The following PKP4 variants were observed in gnomAD, a reference collection of about 807,000 sequenced individuals.
The protein encoded by PKP4 is plakophilin-4.
In PKP4, 90 loss-of-function variants were observed where a neutral mutation model predicts 145.1. The observed-to-expected ratio is 0.62, with a 90% CI of 0.52 to 0.74. The LOEUF (loss-of-function observed/expected upper bound fraction) is 0.74. Ranked by LOEUF, PKP4 falls within the 30% of genes least tolerant of loss-of-function variation. PKP4 has a pLI of 0.00. For missense variants in PKP4, 1,340 were observed against 1,482.7 expected, an observed-to-expected ratio of 0.90 and a Z score of 1.58; for synonymous variants, 563 against 577.2, an observed-to-expected ratio of 0.98 and a Z score of 0.35.
rs758514696 is a variant in PKP4 at position 158,680,724 on chromosome 2, G to T, written c.*47G>T. The T allele has an allele frequency of 1.4e-5, 21 of 1,499,482 alleles. No homozygotes were observed. The highest frequency in any genetic ancestry group is 1.7e-5 in the Non-Finnish European group (19 of 1,116,764). 92.9% of individuals were successfully genotyped at this position (1,499,482 alleles called of 1,614,324 possible). A position where few individuals can be genotyped will look rare whatever the true frequency, so the allele number is the denominator to read the frequency against. On this transcript the variant is annotated 3_prime_UTR_variant, in exon 22 of 22. Transcript: ENST00000389759. ...AACTCTTTCTTTCTAACCTTGTTCA[G>T]ATTGAGGTGAAAAGTCCATCTTGCT...
intron 1 of PKP4, among the ~76,000 whole-genome samples, chr2:158,490,727 G>A (rs1694820407): frequency 1.3e-5 from 2 of 151,696 alleles, no homozygotes; most frequent in African/African-American, 4.9e-5. Context: ...CAAATCCCCT[G>A]GAAGACTGAT....
chr2:158,593,756 C>T (rs1670386598), intron 3 of PKP4, among the ~76,000 whole-genome samples: 1 of 152,084 alleles, frequency 6.6e-6, no homozygotes, highest in Non-Finnish European at 1.5e-5. Flanking sequence ...TTTTAGACAG[C>T]TGTTATAGGG....
intron 3 of PKP4, chr2:158,578,209 T>C (rs1289429030): frequency 8.0e-6 from 2 of 249,884 alleles, no homozygotes; most frequent in East Asian, 1.5e-4. Flanking sequence ...TCTTAGTGAA[T>C]AGAATTCTGT....
At chr2:158,478,410 C>T (rs1292716136) in intron 1 of PKP4, among the ~76,000 whole-genome samples, 1 of 151,932 alleles carries the variant, frequency 6.6e-6, no homozygotes, top group Non-Finnish European at 1.5e-5. Context: ...GTGTTTTTTA[C>T]ATTCTTGTGT....
intron 2 of PKP4, chr2:158,549,033 C>A: frequency 5.8e-6 from 1 of 171,552 alleles, no homozygotes; most frequent in South Asian, 1.4e-4. Context: ...CCACTGTTGC[C>A]TTCACACAGG....
chr2:158,638,196 T>C (rs2053974963), intron 9 of PKP4, among the ~76,000 whole-genome samples: 1 of 152,232 alleles, frequency 6.6e-6, no homozygotes, highest in South Asian at 2.1e-4. Flanking sequence ...AAAGGAAAAC[T>C]ATTTGTTACC....
intron 9 of PKP4, among the ~76,000 whole-genome samples, chr2:158,638,895 G>T (rs1232061982): frequency 1.3e-5 from 2 of 152,224 alleles, no homozygotes; most frequent in South Asian, 2.1e-4. Context: ...CCATCTTTTT[G>T]TATTCTAGGG....
chr2:158,531,914 C>T (rs2043589126), intron 1 of PKP4, among the ~76,000 whole-genome samples: 1 of 152,214 alleles, frequency 6.6e-6, no homozygotes. Context: ...GACCCACTAT[C>T]CATTTATGCC....
At position 158,562,598 on chromosome 2, in the gene PKP4, A is replaced by G. The variant is rs187530799; in HGVS notation, c.133-14673A>G. 3.6e-3 allele frequency among the ~76,000 whole-genome samples: 547 copies of G among 152,300 alleles called. 3 individuals carry two copies. Among genetic ancestry groups the G allele is most frequent in the Non-Finnish European group, 6.3e-3 (426 of 68,006 alleles). ...GTGAATATACTTAAAGCCCTGTACA[A>G]TTAAAAATGGTTAAAGTGTTACATT... On this transcript the variant is annotated intron_variant, in intron 2 of 21. Transcript: ENST00000389759.
At chr2:158,517,703 T>A (rs2042042844) in intron 1 of PKP4, among the ~76,000 whole-genome samples, 1 of 151,532 alleles carries the variant, frequency 6.6e-6, no homozygotes, top group East Asian at 1.9e-4. Context: ...ATAGGTTGAG[T>A]CTGGGGATTT....
At chr2:158,513,955 C>G (rs1188888920) in intron 1 of PKP4, among the ~76,000 whole-genome samples, 2 of 152,198 alleles carry the variant, frequency 1.3e-5, no homozygotes, top group African/African-American at 4.8e-5. Flanking sequence ...CGACCCCGCT[C>G]TCCCATGCGA....
At chr2:158,558,917 G>T (rs1289274761) in intron 2 of PKP4, among the ~76,000 whole-genome samples, 2 of 152,130 alleles carry the variant, frequency 1.3e-5, no homozygotes, top group African/African-American at 4.8e-5. Flanking sequence ...TTTCCCTTTG[G>T]AAACCACGGT....
intron 2 of PKP4, among the ~76,000 whole-genome samples, chr2:158,555,648 T>C (rs1180338297): frequency 6.6e-6 from 1 of 152,238 alleles, no homozygotes; most frequent in African/African-American, 2.4e-5. Context: ...TGGATGGTAA[T>C]AGTACTTCAC....
rs778996665 is a variant in PKP4 at position 158,631,920 on chromosome 2, G to A, written c.1321G>A (p.Ala441Thr). 3.1e-6 allele frequency: 5 copies of A among 1,613,834 alleles called. No homozygotes were observed. In the South Asian group the frequency reaches 5.5e-5, roughly 18 times the overall value. The stretch of plus-strand genomic sequence containing the variant: ...TGTGGAGCTCCAAGGATCGCAGACG[G>A]CGTTGTATCGCACAGGTTCAGGTGG... ...GTVELQGSQT[A>T]LYRTGSVGIG... is the part of the protein sequence containing the mutation. The change falls in exon 8 of 22, where the codon GCG (alanine) becomes ACG (threonine). Residue 441 changes from alanine (A) to threonine (T), a missense_variant. Physicochemically the swap from Ala to Thr is moderately conservative, Grantham distance 58. Transcript: ENST00000389759.
At chr2:158,497,667 A>C (rs1574112644) in intron 1 of PKP4, among the ~76,000 whole-genome samples, 1 of 152,262 alleles carries the variant, frequency 6.6e-6, no homozygotes, top group Non-Finnish European at 1.5e-5. Flanking sequence ...GGCTCTGTGT[A>C]CTCAGTTGTG....
chr2:158,575,092 G>A (rs2047731256), intron 2 of PKP4, among the ~76,000 whole-genome samples: 1 of 152,206 alleles, frequency 6.6e-6, no homozygotes, highest in African/African-American at 2.4e-5. Flanking sequence ...TTGAGACTAA[G>A]ATTCCAGGAA....
At chr2:158,462,331 C>T (rs1445993459) in intron 1 of PKP4, among the ~76,000 whole-genome samples, 1 of 151,362 alleles carries the variant, frequency 6.6e-6, no homozygotes, top group Non-Finnish European at 1.5e-5. Flanking sequence ...TATATTTTAG[C>T]TCAAGATTCC....
At chr2:158,564,847 T>C (rs1263169822) in intron 2 of PKP4, among the ~76,000 whole-genome samples, 1 of 152,236 alleles carries the variant, frequency 6.6e-6, no homozygotes, top group Non-Finnish European at 1.5e-5. Flanking sequence ...ATTTCCCCTT[T>C]GTCATTAGTT....
At chr2:158,634,370 GCTAAGTCTAT>G (rs2053638618) in intron 9 of PKP4, 81 bp downstream of exon 9, 1 of 1,008,068 alleles carries the variant, frequency 9.9e-7, no homozygotes, top group Non-Finnish European at 1.6e-6. Context: ...TTTTTAAGTT[GCTAAGTCTAT>G]TATACTATCA....
Sources: gnomAD v4.1 joint callset for allele counts (sites outside exome capture counted in the v4.1 genomes callset) on GRCh38, gnomAD v4.1.1 for gene constraint, MANE v1.5 for transcripts, NCBI Gene and HGNC (gene_info 2026-07-23, HGNC 2026-07-21) for gene names.